The following CADPS2 variants were observed in gnomAD, a reference collection of about 807,000 sequenced individuals.
CADPS2 encodes calcium-dependent secretion activator 2.
In CADPS2, 93 loss-of-function variants were observed where a neutral mutation model predicts 172.5. The observed-to-expected ratio is 0.54, with a 90% CI of 0.46 to 0.64. The LOEUF is 0.64. CADPS2 is among the 30% of genes least tolerant of loss of function. The probability of loss-of-function intolerance (pLI) is 0.00; values close to 1 mark genes in which losing one functional copy is unlikely to be tolerated. For missense variants in CADPS2, 1,420 were observed against 1,565.9 expected, an observed-to-expected ratio of 0.91 and a Z score of 1.57; for synonymous variants, 546 against 555.2, an observed-to-expected ratio of 0.98 and a Z score of 0.23.
chr7:122,584,812 T>C (rs2069398522), intron 6 of CADPS2, among the ~76,000 whole-genome samples: 1 of 152,012 alleles, frequency 6.6e-6, no homozygotes. Flanking sequence ...TCTTTTCCTT[T>C]TTCTTATTAA....
At chr7:122,361,973 T>A (rs1184369662) in intron 25 of CADPS2, among the ~76,000 whole-genome samples, 1 of 152,082 alleles carries the variant, frequency 6.6e-6, no homozygotes, top group Admixed American at 6.6e-5. Flanking sequence ...CTCGGGAGGC[T>A]GAGGCAGGAG....
At chr7:122,718,049 C>T (rs942721599) in intron 2 of CADPS2, among the ~76,000 whole-genome samples, 5 of 126,842 alleles carry the variant, frequency 3.9e-5, no homozygotes, top group Non-Finnish European at 6.3e-5. Context: ...AGACTGGTCT[C>T]GAACTCCTGG....
At position 122,345,692 on chromosome 7, in the gene CADPS2, G is replaced by C. The variant is rs903938649; in HGVS notation, c.3505-11C>G. 6.7e-7 allele frequency: 1 copy of C among 1,500,364 alleles called. No individual in the cohort carries two copies. The highest frequency in any genetic ancestry group is 9.2e-7 in the Non-Finnish European group (1 of 1,082,168). The allele number at this position is 1,500,364 out of a possible 1,614,324, so 92.9% of individuals were successfully genotyped here. A position where few individuals can be genotyped will look rare whatever the true frequency, so the allele number is the denominator to read the frequency against. ...ATCCATTCCTGGTTTCTGTTGTGAA[G>C]GAAAAGCAGGGGGAACAAAATAATA... On this transcript the variant is annotated splice_polypyrimidine_tract_variant and intron_variant, in intron 27 of 29. Coordinates refer to ENST00000449022, the MANE Select transcript of CADPS2 (RefSeq NM_017954.11).
At chr7:122,397,060 C>A (rs1176717595) in intron 20 of CADPS2, among the ~76,000 whole-genome samples, 2 of 152,114 alleles carry the variant, frequency 1.3e-5, no homozygotes, top group Non-Finnish European at 2.9e-5. Context: ...GCTATAAGTT[C>A]TATTTTTAAC....
chr7:122,455,767 C>T (rs892009726), intron 14 of CADPS2, among the ~76,000 whole-genome samples: 2 of 152,054 alleles, frequency 1.3e-5, no homozygotes, highest in Non-Finnish European at 2.9e-5. Flanking sequence ...AGTGCAGTGG[C>T]ACAATTTCAG....
At chr7:122,386,203 T>A (rs2043646004) in intron 24 of CADPS2, 1 of 919,460 alleles carries the variant, frequency 1.1e-6, no homozygotes, top group Non-Finnish European at 1.5e-6. Context: ...ATTTATATAA[T>A]TTTAATTTGA....
chr7:122,623,927 A>C (rs559103935), intron 4 of CADPS2, among the ~76,000 whole-genome samples: 1 of 152,178 alleles, frequency 6.6e-6, no homozygotes, highest in East Asian at 1.9e-4. Flanking sequence ...AAAATAATCT[A>C]TTTGTATTTA....
chr7:122,707,029 G>C (rs1224106535), intron 2 of CADPS2, among the ~76,000 whole-genome samples: 1 of 151,846 alleles, frequency 6.6e-6, no homozygotes, highest in Non-Finnish European at 1.5e-5. Flanking sequence ...CCAGAGGAAG[G>C]GTGAAGATTT....
chr7:122,489,933 G>A lies in CADPS2; in HGVS notation c.1852+148C>T, dbSNP rs78925489. The stretch of plus-strand genomic sequence containing the variant: ...CAGATTTATGTGAAAAATTAGATAA[G>A]TGATTATGTGACTACTAATATGAAC... On this transcript the variant is annotated intron_variant, in intron 11 of 29. Transcript: ENST00000449022. The A allele has an allele frequency of 7.6e-6, 5 of 659,462 alleles. No homozygotes were observed. In the Admixed American group the frequency reaches 1.2e-4, roughly 15 times the overall value. The allele number at this position is 659,462 out of a possible 1,614,324, so 40.9% of individuals were successfully genotyped here. A position where few individuals can be genotyped will look rare whatever the true frequency, so the allele number is the denominator to read the frequency against.
At chr7:122,331,444 C>G (rs1384892441) in intron 28 of CADPS2, among the ~76,000 whole-genome samples, 1 of 152,060 alleles carries the variant, frequency 6.6e-6, no homozygotes, top group Non-Finnish European at 1.5e-5. Context: ...TGGAGACCAG[C>G]CTGGCCAACA....
chr7:122,666,620 G>A (rs776841668), intron 2 of CADPS2, among the ~76,000 whole-genome samples: 1 of 152,086 alleles, frequency 6.6e-6, no homozygotes, highest in Non-Finnish European at 1.5e-5. Flanking sequence ...GGGATTACAG[G>A]TATGAGTCAC....
intron 14 of CADPS2, among the ~76,000 whole-genome samples, chr7:122,454,391 G>A (rs181380109): frequency 6.6e-5 from 10 of 152,156 alleles, no homozygotes; most frequent in African/African-American, 2.2e-4. Context: ...TAGGTCTCTT[G>A]CCCTCCAAAG....
chr7:122,652,422 A>T (rs1169851135), intron 3 of CADPS2, among the ~76,000 whole-genome samples: 2 of 152,248 alleles, frequency 1.3e-5, no homozygotes, highest in East Asian at 3.8e-4. Flanking sequence ...CATTTAAAAA[A>T]GTGAAATAAA....
chr7:122,702,637 C>A (rs757712761), intron 2 of CADPS2: 11 of 1,613,414 alleles, frequency 6.8e-6, no homozygotes, highest in Non-Finnish European at 8.5e-6. Context: ...GGTGAGCTGT[C>A]CAAATGGCTT....
intron 11 of CADPS2, 25 bp from the exon 12 acceptor site, chr7:122,480,885 A>C (rs2057207085): frequency 6.6e-7 from 1 of 1,512,404 alleles, no homozygotes; most frequent in African/African-American, 1.4e-5. Flanking sequence ...AGAAATGAGA[A>C]ACAAAGCATA....
rs754478914 is a variant in CADPS2 at position 122,554,667 on chromosome 7, T to G, written c.1358A>C (p.Asn453Thr). 6.2e-7 allele frequency: 1 copy of G among 1,609,174 alleles called. No individual in the cohort carries two copies. Among genetic ancestry groups the G allele is most frequent in the African/African-American group, 1.3e-5 (1 of 74,816 alleles). ...GTGTAATTCAGCTGATTTGGAGCTA[T>G]TAGAAGTTGGGTATAATATCACCTG... The part of the protein sequence containing the change: ...LGRVILYPTS[N>T]SSKSAELHRM... Residue 453 changes from asparagine to threonine, a missense_variant, in exon 8 of 30, where the codon AAT becomes ACT. Physicochemically the swap from Asn to Thr is moderately conservative, Grantham distance 65. Coordinates refer to ENST00000449022, the MANE Select transcript of CADPS2 (RefSeq NM_017954.11).
intron 19 of CADPS2, among the ~76,000 whole-genome samples, chr7:122,411,348 G>C (rs1055142104): frequency 6.6e-6 from 1 of 151,202 alleles, no homozygotes; most frequent in African/African-American, 2.4e-5. Context: ...AGCCTCCCAA[G>C]TATCTGGGAT....
intron 1 of CADPS2, among the ~76,000 whole-genome samples, chr7:122,871,461 A>G (rs2141499397): frequency 6.6e-6 from 1 of 151,806 alleles, no homozygotes; most frequent in South Asian, 2.1e-4. Context: ...TTTATACAGT[A>G]TTCCCCCCCA....
intron 1 of CADPS2, among the ~76,000 whole-genome samples, chr7:122,827,881 T>C (rs1420566210): frequency 6.6e-6 from 1 of 152,160 alleles, no homozygotes; most frequent in Non-Finnish European, 1.5e-5. Flanking sequence ...TTCTACACTA[T>C]GGTGAAGTGG....
Sources: allele counts gnomAD v4.1 joint callset (sites outside exome capture counted in the v4.1 genomes callset), GRCh38; gene constraint gnomAD v4.1.1; transcripts MANE v1.5; gene names NCBI Gene and HGNC (gene_info 2026-07-23, HGNC 2026-07-21).